FXYD7: variants seen among roughly 807,000 people sequenced by gnomAD.
The protein encoded by FXYD7 is FXYD domain containing ion transport regulator 7, also known as FXYD domain-containing ion transport regulator 7.
FXYD7 carries 7 observed loss-of-function variants against 15.3 expected under a neutral mutation model. That is an observed-to-expected ratio of 0.46 (90% CI 0.26 to 0.86). The LOEUF (loss-of-function observed/expected upper bound fraction) is 0.86. Among genes scored for constraint, FXYD7 ranks in the 40% least tolerant of loss-of-function variants. The pLI, the probability that FXYD7 is intolerant of heterozygous loss-of-function variation, is 0.16. For missense variants in FXYD7, 78 were observed against 100.6 expected (o/e 0.78, Z 0.96); for synonymous variants, 39 against 39.3 (o/e 0.99, Z 0.03).
At chr19:35,145,804 G>A (rs2065286992) in intron 1 of FXYD7, among the ~76,000 whole-genome samples, 1 of 152,014 alleles carries the variant, frequency 6.6e-6, no homozygotes, top group African/African-American at 2.4e-5. Flanking sequence ...TTGAGACAAG[G>A]TCTCACTCTG....
chr19:35,148,609 G>T, intron 1 of FXYD7, 85 bp from the exon 2 acceptor site: 1 of 1,148,466 alleles, frequency 8.7e-7, no homozygotes, highest in Non-Finnish European at 1.2e-6. Flanking sequence ...TAGGCCAGTG[G>T]CTCCATCTGG....
chr19:35,148,776 C>T (rs780649593), intron 2 of FXYD7, 53 bp downstream of exon 2: 9 of 1,481,902 alleles, frequency 6.1e-6, no homozygotes, highest in Non-Finnish European at 8.5e-6. Flanking sequence ...TGCAGGTGCT[C>T]ACAGATCACT....
At position 35,143,504 on chromosome 19, in the gene FXYD7, C is replaced by T; in HGVS notation, c.31+140C>T. ...CCGCTCCTCCTGTGGGCGGAAGCCC[C>T]TGTAATGCGCCCCCCCGATCGCCCC... On this transcript the variant is annotated intron_variant, in intron 1 of 5. Coordinates refer to ENST00000270310, the MANE Select transcript of FXYD7 (RefSeq NM_022006.2). The surrounding 1 kb of genome is among the most constrained non-coding windows in gnomAD (Gnocchi z 4.3). 4.6e-6 allele frequency: 3 copies of T among 655,516 alleles called. No homozygotes were observed. The highest frequency in any genetic ancestry group is 7.2e-6 in the Non-Finnish European group (3 of 419,078). 40.6% of individuals were successfully genotyped at this position (655,516 alleles called of 1,614,324 possible). A position where few individuals can be genotyped will look rare whatever the true frequency, so the allele number is the denominator to read the frequency against.
In FXYD7 at chr19:35,153,953, G is replaced by A; in HGVS notation, c.*37G>A. 6.2e-7 allele frequency: 1 copy of A among 1,603,866 alleles called. No individual in the cohort carries two copies. The highest frequency in any genetic ancestry group is 1.1e-5 in the South Asian group (1 of 90,716). Reference sequence around the variant, plus strand: ...GGAAACTCCGCTGCCGACCCTGCCTGAGCGCGGGAGCCTGAGGACCGGGTG... The same window carrying A: ...GGAAACTCCGCTGCCGACCCTGCCTAAGCGCGGGAGCCTGAGGACCGGGTG... On this transcript the variant is annotated 3_prime_UTR_variant, in exon 6 of 6. Transcript: ENST00000270310.
Position 35,143,403 on chromosome 19 carries a change from G to A in FXYD7, c.31+39G>A. 6.9e-7 allele frequency: 1 copy of A among 1,455,060 alleles called. No homozygotes were observed. Among genetic ancestry groups the A allele is most frequent in the Non-Finnish European group, 9.2e-7 (1 of 1,088,704 alleles). The allele number at this position is 1,455,060 out of a possible 1,614,324, so 90.1% of individuals were successfully genotyped here. ...GGGGAGGGGGTTGCAGGGGGGCTCC[G>A]GGATCTGAGAGCCTAGGAGAGAGGG... On this transcript the variant is annotated intron_variant, in intron 1 of 5. Transcript: ENST00000270310. This position sits in a 1 kb window ranked among gnomAD's most constrained non-coding sequence, Gnocchi z 4.3.
intron 1 of FXYD7, among the ~76,000 whole-genome samples, chr19:35,144,361 A>G (rs2065280894): frequency 6.6e-6 from 1 of 152,004 alleles, no homozygotes; most frequent in African/African-American, 2.4e-5. Flanking sequence ...ACACCAATTA[A>G]CCCAGTTATG....
chr19:35,148,507 G>T (rs1316196021), intron 1 of FXYD7, among the ~76,000 whole-genome samples, 187 bp from the exon 2 acceptor site: 3 of 152,214 alleles, frequency 2.0e-5, no homozygotes, highest in Non-Finnish European at 4.4e-5. Context: ...CTGGAATCCA[G>T]CTTGAGCTAT....
chr19:35,148,652 G>GTTTTTTTTTTTTTTTTTTTTTTTTTTTT, intron 1 of FXYD7, 42 bp from the exon 2 acceptor site: 1 of 1,356,806 alleles, frequency 7.4e-7, no homozygotes, highest in Non-Finnish European at 9.9e-7. Context: ...ACACTGTTAA[G>GTTTTTTTTTTTTTTTTTTTTTTTTTTTT]TTTTTTTTTT....
At chr19:35,146,130 G>A (rs924948638) in intron 1 of FXYD7, among the ~76,000 whole-genome samples, 5 of 151,562 alleles carry the variant, frequency 3.3e-5, no homozygotes, top group African/African-American at 1.2e-4. Context: ...CATCACAACT[G>A]GAAAATTAAT....
intron 5 of FXYD7, among the ~76,000 whole-genome samples, chr19:35,152,651 T>G (rs1600494254): frequency 1.4e-5 from 2 of 146,240 alleles, no homozygotes; most frequent in Non-Finnish European, 1.5e-5. Flanking sequence ...AGGACGGAGG[T>G]GTTGGGGAGA....
intron 2 of FXYD7, among the ~76,000 whole-genome samples, chr19:35,150,264 G>A (rs569884518): frequency 6.6e-6 from 1 of 152,166 alleles, no homozygotes; most frequent in African/African-American, 2.4e-5. Context: ...GGGCATGGTG[G>A]TGTGTGCCTG....
intron 5 of FXYD7, among the ~76,000 whole-genome samples, chr19:35,152,800 A>G (rs1600494402): frequency 6.6e-6 from 1 of 151,996 alleles, no homozygotes; most frequent in African/African-American, 2.4e-5. Flanking sequence ...CATGTCAACG[A>G]AAGACTGATC....
chr19:35,148,095 G>T (rs1437551966), intron 1 of FXYD7, among the ~76,000 whole-genome samples: 1 of 133,990 alleles, frequency 7.5e-6, no homozygotes, highest in Non-Finnish European at 1.6e-5. Flanking sequence ...AAGAAAGAAA[G>T]AGAGAGAGAA....
At position 35,148,026 on chromosome 19, in the gene FXYD7, G is replaced by GGAAAGTAAGAAA. The variant is rs1555736953; in HGVS notation, c.32-663_32-662insTAAGAAAGAAAG. On this transcript the variant is annotated intron_variant, in intron 1 of 5. Coordinates refer to ENST00000270310, the MANE Select transcript of FXYD7 (RefSeq NM_022006.2). ...AAAGAAGGAAAGAAAGAAGAAAGAA[G>GGAAAGTAAGAAA]GAAAGAAAGAAAGAAAGAAAGAAAG... 1.2e-4 allele frequency among the ~76,000 whole-genome samples: 11 copies of GGAAAGTAAGAAA among 88,556 alleles called. No homozygotes were observed. In the South Asian group the frequency reaches 2.1e-3, roughly 17 times the overall value. The allele number at this position is 88,556 out of a possible 152,430, so 58.1% of individuals were successfully genotyped here. A position where few individuals can be genotyped will look rare whatever the true frequency, so the allele number is the denominator to read the frequency against.
At chr19:35,153,379 G>T (rs965681942) in intron 5 of FXYD7, among the ~76,000 whole-genome samples, 7 of 152,102 alleles carry the variant, frequency 4.6e-5, no homozygotes, top group Non-Finnish European at 8.8e-5. Flanking sequence ...TTTATTTAAT[G>T]AGTTTTAAAA....
intron 1 of FXYD7, 64 bp from the exon 2 acceptor site, chr19:35,148,630 A>G: frequency 7.2e-7 from 1 of 1,391,540 alleles, no homozygotes; most frequent in Non-Finnish European, 9.7e-7. Flanking sequence ...ATCCTAAAAA[A>G]TATTAAGAAA....
intron 2 of FXYD7, 109 bp from the exon 3 acceptor site, chr19:35,151,145 C>G: frequency 1.3e-6 from 1 of 785,798 alleles, no homozygotes. Flanking sequence ...AGTCCACAGC[C>G]TCCCTGGGCG....
intron 2 of FXYD7, among the ~76,000 whole-genome samples, chr19:35,150,855 T>C (rs2065307071): frequency 6.6e-6 from 1 of 151,908 alleles, no homozygotes; most frequent in South Asian, 2.1e-4. Flanking sequence ...CTGACTCAAA[T>C]GTTGATGGGT....
intron 1 of FXYD7, among the ~76,000 whole-genome samples, chr19:35,146,057 C>T (rs2065287875): frequency 1.3e-5 from 2 of 152,224 alleles, no homozygotes; most frequent in Admixed American, 6.5e-5. Flanking sequence ...GGATGACAGG[C>T]GTGGGCCACC....
Sources: allele counts gnomAD v4.1 joint callset (sites outside exome capture counted in the v4.1 genomes callset), GRCh38; gene constraint gnomAD v4.1.1; non-coding constraint Gnocchi (gnomAD v3.1); transcripts MANE v1.5; gene names NCBI Gene and HGNC (gene_info 2026-07-23, HGNC 2026-07-21).